ANXA4: variants seen among roughly 807,000 people sequenced by gnomAD.
ANXA4 encodes the protein 35-beta calcimedin.
A neutral mutation model predicts 49.8 loss-of-function variants in ANXA4; 39 were observed. That is an observed-to-expected ratio of 0.78 (90% CI 0.61 to 1.02). ANXA4 has a LOEUF of 1.02. ANXA4 is among the 50% of genes least tolerant of loss of function. The pLI is 0.00. For missense variants in ANXA4, 360 were observed against 410.1 expected (o/e 0.88, Z 1.05); for synonymous variants, 134 against 152.5 (o/e 0.88, Z 0.89).
At chr2:69,781,729 A>G (rs1672207533) in intron 2 of ANXA4, among the ~76,000 whole-genome samples, 155 bp downstream of exon 2, 2 of 152,172 alleles carry the variant, frequency 1.3e-5, no homozygotes. Context: ...AACATCATTT[A>G]AATTTCTTTT....
Position 69,825,727 on chromosome 2 carries a change from A to G in ANXA4, c.*212A>G, listed in dbSNP as rs1674444771. 1 of 409,282 alleles carries G rather than the reference A, an allele frequency of 2.4e-6. No individual in the cohort carries two copies. Among genetic ancestry groups the G allele is most frequent in the African/African-American group, 2.1e-5 (1 of 48,760 alleles). 25.4% of individuals were successfully genotyped at this position (409,282 alleles called of 1,614,324 possible). On this transcript the variant is annotated 3_prime_UTR_variant, in exon 13 of 13. Coordinates refer to ENST00000394295, the MANE Select transcript of ANXA4 (RefSeq NM_001153.5). ...CTGTACTTGCATTTCAAAGCTTATA[A>G]GATATAAATGGAGATTTTAAAGTAG...
intron 5 of ANXA4, among the ~76,000 whole-genome samples, chr2:69,807,617 C>T (rs1673500038): frequency 1.3e-5 from 2 of 152,058 alleles, no homozygotes; most frequent in African/African-American, 2.4e-5. Flanking sequence ...AGGAAGAGAG[C>T]AGAAGAGGTC....
At chr2:69,707,501 T>C (rs1370949324) in intron 2 of ANXA4, among the ~76,000 whole-genome samples, 2 of 152,256 alleles carry the variant, frequency 1.3e-5, no homozygotes, top group African/African-American at 4.8e-5. Flanking sequence ...AATTATTTCC[T>C]TGCTTTTCTT....
At chr2:69,667,057 A>G (rs1005007135) in intron 2 of ANXA4, among the ~76,000 whole-genome samples, 14 of 151,970 alleles carry the variant, frequency 9.2e-5, no homozygotes, top group African/African-American at 3.4e-4. Flanking sequence ...AAATAAAATA[A>G]AATAATAAAA....
At position 69,729,296 on chromosome 2, in the gene ANXA4, T is replaced by G. The variant is rs140344323; in HGVS notation, n.864+8425T>G. On this transcript the variant is annotated intron_variant and non_coding_transcript_variant, in intron 3 of 3. Coordinates refer to the ANXA4 transcript ENST00000418066. ...CCCAAAAGTGCTGGGATTACAGGTG[T>G]GAGCCACCATGCACGGCCCTCAATA... Among the ~76,000 whole-genome samples, 1,094 of 152,360 alleles carry G rather than the reference T, an allele frequency of 7.2e-3. 16 individuals are homozygous for G. The highest frequency in any genetic ancestry group is 0.025 in the African/African-American group (1,036 of 41,578).
intron 3 of ANXA4, among the ~76,000 whole-genome samples, chr2:69,804,152 A>T (rs948478476): frequency 6.6e-6 from 1 of 151,508 alleles, no homozygotes; most frequent in Non-Finnish European, 1.5e-5. Flanking sequence ...AAAAAAAAAA[A>T]AAAAAAATAT....
chr2:69,797,138 A>C (rs1196608856), intron 3 of ANXA4, among the ~76,000 whole-genome samples: 3 of 152,176 alleles, frequency 2.0e-5, no homozygotes, highest in Non-Finnish European at 4.4e-5. Flanking sequence ...CCAGTGCTTC[A>C]GAATGCACTC....
At chr2:69,684,918 G>A (rs553976259) in intron 2 of ANXA4, among the ~76,000 whole-genome samples, 2 of 152,268 alleles carry the variant, frequency 1.3e-5, no homozygotes, top group East Asian at 3.9e-4. Flanking sequence ...AATAGAGTGA[G>A]AAAGAGCCCA....
chr2:69,814,492 G>A lies in ANXA4; in HGVS notation c.535-1609G>A, dbSNP rs533791311. ...TCCTGAGTAGCTGGACTACAGGCGT[G>A]TGCCATCATGCCTGGCTAAGTTTTA... is the stretch of plus-strand genomic sequence containing the variant. On this transcript the variant is annotated intron_variant, in intron 8 of 12. Coordinates refer to ENST00000394295, the MANE Select transcript of ANXA4 (RefSeq NM_001153.5). 2.0e-5 allele frequency among the ~76,000 whole-genome samples: 3 copies of A among 151,848 alleles called. No individual in the cohort carries two copies. In the East Asian group the frequency reaches 5.8e-4, roughly 29 times the overall value.
At chr2:69,800,147 C>G (rs185467949) in intron 3 of ANXA4, among the ~76,000 whole-genome samples, 1 of 152,318 alleles carries the variant, frequency 6.6e-6, no homozygotes, top group Non-Finnish European at 1.5e-5. Flanking sequence ...AAGTCTGATT[C>G]CAGAGCTGGA....
chr2:69,664,967 A>G (rs759183316), intron 2 of ANXA4, among the ~76,000 whole-genome samples: 1 of 152,066 alleles, frequency 6.6e-6, no homozygotes, highest in African/African-American at 2.4e-5. Flanking sequence ...GCTGAGTGTC[A>G]TGGTATGCAC....
intron 7 of ANXA4, among the ~76,000 whole-genome samples, chr2:69,811,736 AT>A (rs1436797435): frequency 6.6e-6 from 1 of 152,082 alleles, no homozygotes; most frequent in African/African-American, 2.4e-5. Context: ...TTCTGTTAAT[AT>A]TGCTGTTGTT....
upstream of ANXA4, among the ~76,000 whole-genome samples, chr2:69,738,166 A>G (rs1298462078): frequency 1.3e-5 from 2 of 152,194 alleles, no homozygotes; most frequent in East Asian, 3.9e-4. Flanking sequence ...TCGCAACCCT[A>G]AGAGTGAGGT....
At chr2:69,776,168 G>A (rs1671956603) in intron 1 of ANXA4, among the ~76,000 whole-genome samples, 1 of 151,786 alleles carries the variant, frequency 6.6e-6, no homozygotes, top group South Asian at 2.1e-4. Context: ...TAGAGATAGG[G>A]TTTCACCATG....
At chr2:69,695,864 T>C (rs1678142670) in intron 2 of ANXA4, among the ~76,000 whole-genome samples, 1 of 152,148 alleles carries the variant, frequency 6.6e-6, no homozygotes, top group Non-Finnish European at 1.5e-5. Context: ...GCAATAGCAT[T>C]ACGTCTTAAA....
At chr2:69,653,525 A>G (rs1284679305) in intron 2 of ANXA4, among the ~76,000 whole-genome samples, 1 of 152,126 alleles carries the variant, frequency 6.6e-6, no homozygotes, top group African/African-American at 2.4e-5. Context: ...TCCTGAGAGG[A>G]AAATACCCTA....
At chr2:69,721,928 G>T (rs1669821766) in intron 3 of ANXA4, among the ~76,000 whole-genome samples, 1 of 152,142 alleles carries the variant, frequency 6.6e-6, no homozygotes. Context: ...GAACTAGATG[G>T]TGAAAGGTTT....
chr2:69,774,342 T>TTTTC (rs1671877714), intron 1 of ANXA4, among the ~76,000 whole-genome samples: 1 of 120,636 alleles, frequency 8.3e-6, no homozygotes, highest in African/African-American at 3.0e-5. Context: ...CCCCCCCCCT[T>TTTTC]TTTTTTTTTT....
At chr2:69,648,321 T>C (rs987887197) in intron 1 of ANXA4, among the ~76,000 whole-genome samples, 2 of 152,198 alleles carry the variant, frequency 1.3e-5, no homozygotes, top group African/African-American at 4.8e-5. Context: ...TTACACCATA[T>C]GGGCTTTCTA....
Sources: allele counts gnomAD v4.1 joint callset (sites outside exome capture counted in the v4.1 genomes callset), GRCh38; gene constraint gnomAD v4.1.1; transcripts MANE v1.5; gene names NCBI Gene and HGNC (gene_info 2026-07-23, HGNC 2026-07-21).